Variants in AP2A2 observed in about 807,000 individuals in gnomAD.
The protein encoded by AP2A2 is AP-2 complex subunit alpha-2.
AP2A2 carries 32 observed loss-of-function variants against 104.2 expected under a neutral mutation model. The observed-to-expected ratio is 0.31, with a 90% CI of 0.23 to 0.41. AP2A2 has a LOEUF of 0.41. Among genes scored for constraint, AP2A2 ranks in the 10% least tolerant of loss-of-function variants. AP2A2 has a pLI of 1.00. For missense variants in AP2A2, 912 were observed against 1,261.0 expected (o/e 0.72, Z 4.19); for synonymous variants, 539 against 533.3 (o/e 1.01, Z -0.15).
rs565983557 is a variant in AP2A2 at position 1,011,985 on chromosome 11, C to T, written c.*1360C>T. ...TTCTGGGTCTGGTGGTGCCAGGTGC[C>T]GTGACACGCCGTGCTGGGCTTGTGC... On this transcript the variant is annotated 3_prime_UTR_variant, in exon 22 of 22. Transcript: ENST00000448903. The T allele has an allele frequency of 1.1e-4, 17 of 160,232 alleles. No individual in the cohort carries two copies. In the East Asian group the frequency reaches 1.1e-3, roughly 11 times the overall value. The allele number at this position is 160,232 out of a possible 1,614,324, so 9.9% of individuals were successfully genotyped here.
Position 927,261 on chromosome 11 carries a change from CG to C in AP2A2, c.67+1174del, listed in dbSNP as rs373166245. 7.8e-3 allele frequency among the ~76,000 whole-genome samples: 1,191 copies of C among 151,764 alleles called. 24 individuals carry two copies. The highest frequency in any genetic ancestry group is 0.027 in the African/African-American group (1,137 of 41,380). On this transcript the variant is annotated intron_variant, in intron 1 of 21. Transcript: ENST00000448903. ...GTTTTTTGTAGAGATGGGGGGGTCTCGCCATGTTGCCTAGGCTGGTCTCGAA... is the reference window on the plus strand; with the variant it reads ...GTTTTTTGTAGAGATGGGGGGGTCTCCCATGTTGCCTAGGCTGGTCTCGAA...
chr11:1,004,688 A>G (rs1280527533), intron 16 of AP2A2, among the ~76,000 whole-genome samples: 4 of 151,718 alleles, frequency 2.6e-5, no homozygotes, highest in Non-Finnish European at 4.4e-5. Context: ...AGGTGGGAGG[A>G]TCGCTTGAGC....
At chr11:983,088 T>G (rs1407790155) in intron 6 of AP2A2, among the ~76,000 whole-genome samples, 2 of 143,278 alleles carry the variant, frequency 1.4e-5, no homozygotes, top group African/African-American at 5.2e-5. Flanking sequence ...TGGCACGATC[T>G]CGGTTTACCA....
At chr11:976,772 G>T (rs1855054911) in intron 4 of AP2A2, among the ~76,000 whole-genome samples, 1 of 152,200 alleles carries the variant, frequency 6.6e-6, no homozygotes, top group African/African-American at 2.4e-5. Flanking sequence ...AAGCATTTCT[G>T]TTGTGATTGT....
At chr11:998,109 C>T (rs1454786767) in intron 14 of AP2A2, among the ~76,000 whole-genome samples, 4 of 152,336 alleles carry the variant, frequency 2.6e-5, no homozygotes, top group East Asian at 1.9e-4. Flanking sequence ...GCGCTGTCCC[C>T]GGCGTAGGGA....
chr11:983,527 C>T (rs551619832), intron 6 of AP2A2, among the ~76,000 whole-genome samples: 3 of 152,108 alleles, frequency 2.0e-5, no homozygotes, highest in African/African-American at 4.8e-5. Flanking sequence ...GGACTACAGG[C>T]GCCCGCCACC....
Position 968,433 on chromosome 11 carries a change from C to CCATCCCCGTCT in AP2A2, c.137-1735_137-1734insATCCCCGTCTC, listed in dbSNP as rs1854698096. ...GCCTGTCTCCGTCTCCGCCCCTGTT[C>CCATCCCCGTCT]CCATCCCCGTCTCCATCCCCGTCCC... On this transcript the variant is annotated intron_variant, in intron 2 of 21. Coordinates refer to ENST00000448903, the MANE Select transcript of AP2A2 (RefSeq NM_012305.4). The surrounding 1 kb of genome is among the most constrained non-coding windows in gnomAD (Gnocchi z 4.2). Among the ~76,000 whole-genome samples, 1 of 114,002 alleles carries CCATCCCCGTCT rather than the reference C, an allele frequency of 8.8e-6. No homozygotes were observed. Among genetic ancestry groups the CCATCCCCGTCT allele is most frequent in the African/African-American group, 2.9e-5 (1 of 34,980 alleles). The allele number at this position is 114,002 out of a possible 152,430, so 74.8% of individuals were successfully genotyped here.
At chr11:930,170 G>A (rs574013843) in intron 1 of AP2A2, among the ~76,000 whole-genome samples, 5 of 150,780 alleles carry the variant, frequency 3.3e-5, no homozygotes, top group Admixed American at 2.0e-4. Flanking sequence ...CTGAGGTAGC[G>A]GACAGGGAGC....
intron 2 of AP2A2, among the ~76,000 whole-genome samples, chr11:960,700 T>A (rs1396112560): frequency 6.6e-6 from 1 of 151,738 alleles, no homozygotes; most frequent in African/African-American, 2.4e-5. Flanking sequence ...GTACTTCTAG[T>A]AGAGATGGGG....
rs768381773 is a variant in AP2A2 at position 1,010,982 on chromosome 11, C to T, written c.*357C>T. ...GAGATGGCCCGTGCTGCCGCCCACC[C>T]CGCCTCGGAGCCTCTGGGAGCAGCA... On this transcript the variant is annotated 3_prime_UTR_variant, in exon 22 of 22. Transcript: ENST00000448903. 6 of 712,312 alleles carry T rather than the reference C, an allele frequency of 8.4e-6. No homozygotes were observed. The highest frequency in any genetic ancestry group is 6.9e-5 in the South Asian group (5 of 71,956). 44.1% of individuals were successfully genotyped at this position (712,312 alleles called of 1,614,324 possible).
At chr11:991,125 C>T (rs974994303) in intron 10 of AP2A2, among the ~76,000 whole-genome samples, 5 of 151,726 alleles carry the variant, frequency 3.3e-5, no homozygotes, top group African/African-American at 1.2e-4. Context: ...TCTGTCCTTT[C>T]AGCCGGGTAT....
Position 993,994 on chromosome 11 carries a change from C to T in AP2A2, c.1782+9C>T, listed in dbSNP as rs779055216. 7.5e-6 allele frequency: 12 copies of T among 1,609,366 alleles called. No individual in the cohort carries two copies. Among genetic ancestry groups the T allele is most frequent in the African/African-American group, 2.7e-5 (2 of 74,850 alleles). On this transcript the variant is annotated intron_variant, in intron 13 of 21. Coordinates refer to ENST00000448903, the MANE Select transcript of AP2A2 (RefSeq NM_012305.4). The surrounding 1 kb of genome is among the most constrained non-coding windows in gnomAD (Gnocchi z 8.2). ...CCAGCACCGACATTCTGGTAGGAGG[C>T]CCCCGCCCTTCGGGCTGGCTTGGCT...
At chr11:971,817 C>T (rs1404629971) in intron 3 of AP2A2, among the ~76,000 whole-genome samples, 1 of 152,194 alleles carries the variant, frequency 6.6e-6, no homozygotes, top group African/African-American at 2.4e-5. Flanking sequence ...TCGTGGCACG[C>T]TAGTCAGGTG....
At chr11:933,444 G>T in intron 1 of AP2A2, 1 of 447,496 alleles carries the variant, frequency 2.2e-6, no homozygotes, top group Non-Finnish European at 4.5e-6. Context: ...AGCAGTATGT[G>T]CAGTTTTGTC....
At chr11:935,638 C>T (rs1190420474) in intron 1 of AP2A2, among the ~76,000 whole-genome samples, 9 of 73,662 alleles carry the variant, frequency 1.2e-4, no homozygotes, top group Non-Finnish European at 1.8e-4. Context: ...GATAGAGTCT[C>T]GCTGTGTTGC....
intron 2 of AP2A2, 84 bp from the exon 3 acceptor site, chr11:970,085 T>C: frequency 6.8e-7 from 1 of 1,480,820 alleles, no homozygotes; most frequent in South Asian, 1.2e-5. Flanking sequence ...TGCTGCCTGC[T>C]GTACTGCTGC....
intron 1 of AP2A2, among the ~76,000 whole-genome samples, chr11:958,268 C>T (rs1196120222): frequency 6.6e-6 from 1 of 152,194 alleles, no homozygotes; most frequent in African/African-American, 2.4e-5. Context: ...CACCAGAAAC[C>T]ACCCTGCTGG....
chr11:988,631 T>C lies in AP2A2; in HGVS notation c.1211T>C (p.Ile404Thr), dbSNP rs1361490027. The C allele has an allele frequency of 5.6e-6, 9 of 1,613,546 alleles. No individual in the cohort carries two copies. Among genetic ancestry groups the C allele is most frequent in the Non-Finnish European group, 7.6e-6 (9 of 1,179,892 alleles). ...AMCDRSNAPQ[I>T]VAEMLSYLET... Reference sequence around the variant, plus strand: ...TGCGACCGCAGCAACGCCCCACAGATCGTGGCCGAGATGCTGAGCTATCTG... The same window carrying C: ...TGCGACCGCAGCAACGCCCCACAGACCGTGGCCGAGATGCTGAGCTATCTG... The change falls in exon 10 of 22, where the codon ATC (isoleucine) becomes ACC (threonine). Residue 404 changes from isoleucine to threonine, a missense_variant. Transcript: ENST00000448903.
At position 968,428 on chromosome 11, in the gene AP2A2, CT is replaced by C. The variant is rs1393363036; in HGVS notation, c.137-1740del. 6.6e-6 allele frequency among the ~76,000 whole-genome samples: 1 copy of C among 151,836 alleles called. No individual in the cohort carries two copies. Among genetic ancestry groups the C allele is most frequent in the African/African-American group, 2.4e-5 (1 of 41,350 alleles). On this transcript the variant is annotated intron_variant, in intron 2 of 21. Coordinates refer to ENST00000448903, the MANE Select transcript of AP2A2 (RefSeq NM_012305.4). The surrounding 1 kb of genome is among the most constrained non-coding windows in gnomAD (Gnocchi z 4.2). ...AGAGAGCCTGTCTCCGTCTCCGCCC[CT>C]GTTCCCATCCCCGTCTCCATCCCCG...
Sources: allele counts gnomAD v4.1 joint callset (sites outside exome capture counted in the v4.1 genomes callset), GRCh38; gene constraint gnomAD v4.1.1; non-coding constraint Gnocchi (gnomAD v3.1); transcripts MANE v1.5; gene names NCBI Gene and HGNC (gene_info 2026-07-23, HGNC 2026-07-21).